DTX4: variants seen among roughly 807,000 people sequenced by gnomAD.
The protein encoded by DTX4 is deltex E3 ubiquitin ligase 4.
DTX4 carries 28 observed loss-of-function variants against 57.6 expected under a neutral mutation model. That is an observed-to-expected ratio of 0.49 (90% CI 0.36 to 0.67). DTX4 has a LOEUF of 0.67. Among genes scored for constraint, DTX4 ranks in the 30% least tolerant of loss-of-function variants. The pLI is 0.00. For missense variants in DTX4, 715 were observed against 836.8 expected (o/e 0.85, Z 1.80); for synonymous variants, 316 against 331.0 (o/e 0.95, Z 0.49).
At position 59,208,581 on chromosome 11, in the gene DTX4, C is replaced by T. The variant is rs1442711538; in HGVS notation, c.*3672C>T. 2 of 152,192 alleles carry T rather than the reference C, an allele frequency of 1.3e-5. No homozygotes were observed. The highest frequency in any genetic ancestry group is 2.9e-5 in the Non-Finnish European group (2 of 68,034). The allele number at this position is 152,192 out of a possible 1,614,324, so 9.4% of individuals were successfully genotyped here. On this transcript the variant is annotated 3_prime_UTR_variant, in exon 9 of 9. Transcript: ENST00000227451. ...AGAACACAAAAATAAAATGCAAATA[C>T]AGAGCCAGCTTTGTCACCCAAATCT...
At position 59,204,945 on chromosome 11, in the gene DTX4, G is replaced by T; in HGVS notation, c.*36G>T. The stretch of plus-strand genomic sequence containing the variant: ...GCTTTGAGGTGGGAGGGGCCATGGA[G>T]ACTGCAGGACAGGAAGTGAGGAGAG... On this transcript the variant is annotated 3_prime_UTR_variant, in exon 9 of 9. Coordinates refer to ENST00000227451, the MANE Select transcript of DTX4 (RefSeq NM_015177.2). 6.5e-7 allele frequency: 1 copy of T among 1,527,234 alleles called. No homozygotes were observed. Among genetic ancestry groups the T allele is most frequent in the South Asian group, 1.2e-5 (1 of 83,568 alleles). 94.6% of individuals were successfully genotyped at this position (1,527,234 alleles called of 1,614,324 possible).
chr11:59,203,917 T>C (rs1432183492), intron 8 of DTX4, among the ~76,000 whole-genome samples: 1 of 152,202 alleles, frequency 6.6e-6, no homozygotes, highest in Admixed American at 6.5e-5. Context: ...TATGGTTTCC[T>C]CTCCTCCAGC....
At chr11:59,191,241 G>C in intron 5 of DTX4, 66 bp downstream of exon 5, 1 of 1,496,046 alleles carries the variant, frequency 6.7e-7, no homozygotes, top group South Asian at 1.2e-5. Context: ...CTCTTCTGCT[G>C]TTGGTTTCTA....
chr11:59,204,597 A>G lies in DTX4; in HGVS notation c.1627-79A>G, dbSNP rs867528107. On this transcript the variant is annotated intron_variant, in intron 8 of 8. Transcript: ENST00000227451. ...TGCAGGAAGGGATGGGGCCCTTGGGAGGATTCTCTACCGTCCAAGGGATAG... is the reference window on the plus strand; with the variant it reads ...TGCAGGAAGGGATGGGGCCCTTGGGGGGATTCTCTACCGTCCAAGGGATAG... 6.8e-6 allele frequency: 9 copies of G among 1,317,888 alleles called. No homozygotes were observed. The Middle Eastern group carries it at 1.5e-3, about 213-fold the overall frequency. The allele number at this position is 1,317,888 out of a possible 1,614,324, so 81.6% of individuals were successfully genotyped here. A position where few individuals can be genotyped will look rare whatever the true frequency, so the allele number is the denominator to read the frequency against.
chr11:59,190,591 G>A (rs560197944), intron 4 of DTX4, among the ~76,000 whole-genome samples: 140 of 152,304 alleles, frequency 9.2e-4, no homozygotes, highest in Middle Eastern at 6.8e-3. Flanking sequence ...TTCCCCTGCT[G>A]CAGGACTGTG....
chr11:59,199,547 C>T, intron 7 of DTX4, 137 bp from the exon 8 acceptor site: 1 of 705,310 alleles, frequency 1.4e-6, no homozygotes, highest in South Asian at 1.8e-5. Context: ...ACTCACAGTG[C>T]TTTTTGGGTC....
At chr11:59,198,722 A>G (rs1235237221) in intron 7 of DTX4, among the ~76,000 whole-genome samples, 1 of 152,206 alleles carries the variant, frequency 6.6e-6, no homozygotes, top group African/African-American at 2.4e-5. Context: ...TTGTGCCAAG[A>G]GCTGCATGGA....
intron 6 of DTX4, among the ~76,000 whole-genome samples, chr11:59,193,967 C>A (rs1013035336): frequency 6.6e-6 from 1 of 152,186 alleles, no homozygotes; most frequent in Non-Finnish European, 1.5e-5. Context: ...CCAGCCCATG[C>A]GCCTTCCTTC....
chr11:59,173,464 C>T (rs2730039), intron 1 of DTX4, among the ~76,000 whole-genome samples: 5,013 of 152,298 alleles, frequency 0.033, 298 homozygotes, highest in African/African-American at 0.11. Context: ...GCCTCTGCTA[C>T]ACACTACATG....
At position 59,199,770 on chromosome 11, in the gene DTX4, A is replaced by G. The variant is rs1862719177; in HGVS notation, c.1623A>G (p.Arg541=). ...HCYLPDSEKG[R]KVLKLLLVAW... is the part of the protein sequence containing the mutation. ...ACCTTCCGGACAGCGAGAAAGGGAG[A>G]AAAGTAAGACCGGAAGTTTCCACAT... The change falls in exon 8 of 9, where the codon AGA becomes AGG. Residue 541 remains arginine, a synonymous_variant. Transcript: ENST00000227451. 6.4e-7 allele frequency: 1 copy of G among 1,559,616 alleles called. No homozygotes were observed. Among genetic ancestry groups the G allele is most frequent in the Non-Finnish European group, 8.7e-7 (1 of 1,151,470 alleles).
chr11:59,196,609 G>C (rs950348112), intron 7 of DTX4, among the ~76,000 whole-genome samples: 2 of 152,196 alleles, frequency 1.3e-5, no homozygotes, highest in African/African-American at 4.8e-5. Context: ...CACAGTAGGA[G>C]GTGAGTGATG....
Position 59,192,269 on chromosome 11 carries a change from G to A in DTX4, c.1374+19G>A. ...GAACAAGGTCAGTGCCAGCCTATGG[G>A]GCTCCTGCCACCCTTCACACTGGGC... On this transcript the variant is annotated intron_variant, in intron 6 of 8. Coordinates refer to ENST00000227451, the MANE Select transcript of DTX4 (RefSeq NM_015177.2). The A allele has an allele frequency of 6.2e-7, 1 of 1,613,502 alleles. No individual in the cohort carries two copies. Among genetic ancestry groups the A allele is most frequent in the South Asian group, 1.1e-5 (1 of 91,064 alleles).
chr11:59,191,128 G>T lies in DTX4; in HGVS notation c.1174G>T (p.Glu392Ter). ...TGTCTCTGCAGGTAAAACCCCAGAGGAAGTGCTAAAAAAATATCTACAGAA... is the reference window on the plus strand; with the variant it reads ...TGTCTCTGCAGGTAAAACCCCAGAGTAAGTGCTAAAAAAATATCTACAGAA... ...KQAKKGKTPEEVLKKYLQKVR... is the reference protein window; with the variant it reads ...KQAKKGKTPE Residue 392 changes from glutamate to a stop codon, truncating the protein, a stop_gained, in exon 5 of 9, where the codon GAA becomes TAA. Transcript: ENST00000227451. LOFTEE classifies it high-confidence loss of function. 6.4e-7 allele frequency: 1 copy of T among 1,572,488 alleles called. No individual in the cohort carries two copies.
chr11:59,191,267 G>C (rs766120918), intron 5 of DTX4, 92 bp downstream of exon 5: 8 of 1,320,346 alleles, frequency 6.1e-6, no homozygotes, highest in Non-Finnish European at 8.4e-6. Flanking sequence ...TATGGCGGGG[G>C]CTGCATTCCA....
chr11:59,191,226 A>G (rs1735622280), intron 5 of DTX4, 51 bp downstream of exon 5: 1 of 1,525,044 alleles, frequency 6.6e-7, no homozygotes. Context: ...ACCCACAAGC[A>G]TTTCCTCTTC....
At chr11:59,199,912 A>C in intron 8 of DTX4, 139 bp downstream of exon 8, 1 of 698,282 alleles carries the variant, frequency 1.4e-6, no homozygotes, top group Non-Finnish European at 2.4e-6. Context: ...AGATGCACAC[A>C]GTAACAAGGT....
At chr11:59,187,153 C>A (rs189557244) in intron 2 of DTX4, among the ~76,000 whole-genome samples, 9 of 152,300 alleles carry the variant, frequency 5.9e-5, no homozygotes, top group Admixed American at 2.0e-4. Flanking sequence ...TTATTCATTA[C>A]GCTCTCTGAG....
At chr11:59,191,307 C>A (rs973681617) in intron 5 of DTX4, 132 bp downstream of exon 5, 9 of 882,122 alleles carry the variant, frequency 1.0e-5, no homozygotes, top group Admixed American at 2.6e-5. Context: ...CTGGTCAGAA[C>A]TGACACTGAG....
chr11:59,192,938 T>A (rs1862618161), intron 6 of DTX4, among the ~76,000 whole-genome samples: 1 of 151,910 alleles, frequency 6.6e-6, no homozygotes, highest in African/African-American at 2.4e-5. Flanking sequence ...CCTTACAGTG[T>A]CTGAGCATTT....
Sources: allele counts gnomAD v4.1 joint callset (sites outside exome capture counted in the v4.1 genomes callset), GRCh38; gene constraint gnomAD v4.1.1; transcripts MANE v1.5; gene names NCBI Gene and HGNC (gene_info 2026-07-23, HGNC 2026-07-21).